ENTPD7: variants seen among roughly 807,000 people sequenced by gnomAD.
ENTPD7 encodes ectonucleoside triphosphate diphosphohydrolase 7.
ENTPD7 carries 53 observed loss-of-function variants against 77.9 expected under a neutral mutation model. The ratio of observed to expected loss-of-function variants is 0.68; its 90% CI spans 0.55 to 0.85. The LOEUF is 0.85. ENTPD7 is among the 40% of genes least tolerant of loss of function. ENTPD7 has a pLI of 0.00. For missense variants in ENTPD7, 636 were observed against 743.7 expected, an observed-to-expected ratio of 0.86 and a Z score of 1.68; for synonymous variants, 248 against 274.9, an observed-to-expected ratio of 0.90 and a Z score of 0.97.
Position 99,709,233 on chromosome 10 carries a change from G to T in ENTPD7, c.*4550G>T, listed in dbSNP as rs1009446425. 5.3e-5 allele frequency: 52 copies of T among 985,184 alleles called. No homozygotes were observed. The highest frequency in any genetic ancestry group is 6.2e-5 in the Admixed American group (1 of 16,256). 61.0% of individuals were successfully genotyped at this position (985,184 alleles called of 1,614,324 possible). A position where few individuals can be genotyped will look rare whatever the true frequency, so the allele number is the denominator to read the frequency against. The stretch of plus-strand genomic sequence containing the variant: ...AATTCTTGGGCAGTTTCCAGACTCT[G>T]TTACAGAAACAGAGGGCTGTTTCTT... On this transcript the variant is annotated 3_prime_UTR_variant, in exon 13 of 13. Coordinates refer to ENST00000370489, the MANE Select transcript of ENTPD7 (RefSeq NM_020354.5).
At chr10:99,673,416 G>A (rs934725602) in intron 3 of ENTPD7, among the ~76,000 whole-genome samples, 1 of 152,218 alleles carries the variant, frequency 6.6e-6, no homozygotes, top group African/African-American at 2.4e-5. Context: ...CTAGTTGGTT[G>A]AAAGTGTAAG....
Position 99,659,587 on chromosome 10 carries a change from C to A in ENTPD7, c.-97C>A. ...GAAGGAACCGGCGGGCCGCTTGATCCCGTGAGTGTGGGCGCGAGAGGGCTG... is the reference window on the plus strand; with the variant it reads ...GAAGGAACCGGCGGGCCGCTTGATCACGTGAGTGTGGGCGCGAGAGGGCTG... On this transcript the variant is annotated splice_region_variant and 5_prime_UTR_variant, in exon 1 of 13. Coordinates refer to ENST00000370489, the MANE Select transcript of ENTPD7 (RefSeq NM_020354.5). This position sits in a 1 kb window ranked among gnomAD's most constrained non-coding sequence, Gnocchi z 4.1. The A allele has an allele frequency of 5.4e-6, 1 of 185,130 alleles. No homozygotes were observed. The highest frequency in any genetic ancestry group is 1.1e-5 in the Non-Finnish European group (1 of 89,130). The allele number at this position is 185,130 out of a possible 1,614,324, so 11.5% of individuals were successfully genotyped here.
At position 99,706,820 on chromosome 10, in the gene ENTPD7, C is replaced by G. The variant is rs937044569; in HGVS notation, c.*2137C>G. On this transcript the variant is annotated 3_prime_UTR_variant, in exon 13 of 13. Coordinates refer to ENST00000370489, the MANE Select transcript of ENTPD7 (RefSeq NM_020354.5). ...TACTCAGGTAACGTTTTCTTTTGCT[C>G]TCATCTTGGTTTCCATATACTATTT... Among the ~76,000 whole-genome samples the G allele has an allele frequency of 6.6e-6, 1 of 152,162 alleles. No individual in the cohort carries two copies. The highest frequency in any genetic ancestry group is 6.5e-5 in the Admixed American group (1 of 15,276).
At chr10:99,689,555 C>T (rs1364777541) in intron 7 of ENTPD7, among the ~76,000 whole-genome samples, 1 of 152,156 alleles carries the variant, frequency 6.6e-6, no homozygotes, top group Non-Finnish European at 1.5e-5. Context: ...TTTGATTAGA[C>T]TCAGATTCAA....
At chr10:99,660,148 T>C (rs1274731918) in intron 2 of ENTPD7, among the ~76,000 whole-genome samples, 184 bp downstream of exon 2, 1 of 152,224 alleles carries the variant, frequency 6.6e-6, no homozygotes, top group East Asian at 1.9e-4. Flanking sequence ...AATAATAGTT[T>C]CTAGCCCATA....
rs1330257966 is a variant in ENTPD7, at chr10:99,707,324, C to A, written c.*2641C>A. The stretch of plus-strand genomic sequence containing the variant: ...ACTGAATATTTATTATTGGTATGGG[C>A]TCCTTTGTTTATTCTCTTCTCCCAA... On this transcript the variant is annotated 3_prime_UTR_variant, in exon 13 of 13. Coordinates refer to ENST00000370489, the MANE Select transcript of ENTPD7 (RefSeq NM_020354.5). 6.6e-6 allele frequency among the ~76,000 whole-genome samples: 1 copy of A among 152,090 alleles called. No individual in the cohort carries two copies. The highest frequency in any genetic ancestry group is 2.4e-5 in the African/African-American group (1 of 41,428).
rs148037712 is a variant in ENTPD7, at chr10:99,665,015, C to T, written c.191+3387C>T. Among the ~76,000 whole-genome samples, 476 of 151,848 alleles carry T rather than the reference C, an allele frequency of 3.1e-3. 2 individuals are homozygous for T. In the Middle Eastern group the frequency reaches 0.041, roughly 13 times the overall value. On this transcript the variant is annotated intron_variant, in intron 3 of 12. Transcript: ENST00000370489. ...CCTGTAATCTCAGCACTTTGGGAGG[C>T]GGAGGCAGGTGGATTGCACGAGCTC...
In ENTPD7 at chr10:99,679,470, C is replaced by T; in HGVS notation, c.397+4C>T. On this transcript the variant is annotated splice_donor_region_variant and intron_variant, in intron 4 of 12. Coordinates refer to ENST00000370489, the MANE Select transcript of ENTPD7 (RefSeq NM_020354.5). Reference sequence around the variant, plus strand: ...GTGGTTAAAAAAATCAAGCCAGGTACTAATCAGAATATATTTTGTTGTCAG... The same window carrying T: ...GTGGTTAAAAAAATCAAGCCAGGTATTAATCAGAATATATTTTGTTGTCAG... 6.2e-7 allele frequency: 1 copy of T among 1,608,476 alleles called. No homozygotes were observed. Among genetic ancestry groups the T allele is most frequent in the Non-Finnish European group, 8.5e-7 (1 of 1,178,072 alleles).
In ENTPD7 at chr10:99,659,898, A is replaced by T; in HGVS notation, c.-59A>T. On this transcript the variant is annotated 5_prime_UTR_variant, in exon 2 of 13. Transcript: ENST00000370489. The surrounding 1 kb of genome is among the most constrained non-coding windows in gnomAD (Gnocchi z 4.1). ...AGGAGATGCCTGGGACAAGGAGGCC[A>T]CCTTCTCAGGGCAAAAGAAAAAGAA... is the stretch of plus-strand genomic sequence containing the variant. 6.2e-7 allele frequency: 1 copy of T among 1,613,134 alleles called. No individual in the cohort carries two copies. Among genetic ancestry groups the T allele is most frequent in the East Asian group, 2.2e-5 (1 of 44,862 alleles).
intron 5 of ENTPD7, 22 bp from the exon 6 acceptor site, chr10:99,685,770 G>A (rs1021057562): frequency 2.5e-6 from 4 of 1,588,768 alleles, no homozygotes; most frequent in Non-Finnish European, 3.5e-6. Context: ...CTAACTTTGG[G>A]ATTTTTTGTT....
intron 8 of ENTPD7, among the ~76,000 whole-genome samples, chr10:99,694,738 T>C (rs570713795): frequency 3.9e-5 from 6 of 152,140 alleles, no homozygotes; most frequent in Non-Finnish European, 7.4e-5. Context: ...AGTTTCACCA[T>C]GTTGGCCAGG....
chr10:99,703,925 T>G (rs551779630), intron 12 of ENTPD7, among the ~76,000 whole-genome samples: 11 of 152,250 alleles, frequency 7.2e-5, no homozygotes, highest in African/African-American at 2.4e-4. Context: ...GGGGTCTTGT[T>G]ATGTTGACCA....
rs1233767551 is a variant in ENTPD7 at position 99,679,860 on chromosome 10, G to A, written c.533G>A (p.Arg178Lys). ...PLYILCTAGM[R>K]LLPERKQLAI... ...TACATCCTCTGCACAGCAGGCATGA[G>A]GCTTCTCCCTGAGAGGTGAGATGCA... The change falls in exon 5 of 13, where the codon AGG becomes AAG. Residue 178 changes from arginine to lysine, a missense_variant. Around this residue, in one of 3 missense-constraint regions of ENTPD7, gnomAD observed 486 missense variants for 556.5 expected, o/e 0.87. Transcript: ENST00000370489. The A allele has an allele frequency of 6.2e-7, 1 of 1,611,702 alleles. No individual in the cohort carries two copies. Among genetic ancestry groups the A allele is most frequent in the Non-Finnish European group, 8.5e-7 (1 of 1,179,430 alleles).
chr10:99,704,256 G>A (rs994141282), intron 12 of ENTPD7, among the ~76,000 whole-genome samples, 196 bp from the exon 13 acceptor site: 7 of 152,152 alleles, frequency 4.6e-5, no homozygotes, highest in Admixed American at 1.3e-4. Flanking sequence ...TCTGGGGGCC[G>A]TGGGAAGGAA....
chr10:99,695,922 A>G, intron 8 of ENTPD7, 34 bp from the exon 9 acceptor site: 1 of 1,573,194 alleles, frequency 6.4e-7, no homozygotes, highest in Middle Eastern at 1.7e-4. Context: ...AACCAAAACT[A>G]AAATTCCCTT....
chr10:99,659,724 C>T lies in ENTPD7; in HGVS notation c.-96+136C>T, dbSNP rs1353637235. The T allele has an allele frequency of 5.9e-6, 3 of 511,246 alleles. No homozygotes were observed. The highest frequency in any genetic ancestry group is 1.0e-5 in the Non-Finnish European group (3 of 289,616). The allele number at this position is 511,246 out of a possible 1,614,324, so 31.7% of individuals were successfully genotyped here. ...CGAGAACGCCCCGCTCCCAGGATGCCCGGGTAGGGTCCCCTGGGCCTGAGG... is the reference window on the plus strand; with the variant it reads ...CGAGAACGCCCCGCTCCCAGGATGCTCGGGTAGGGTCCCCTGGGCCTGAGG... On this transcript the variant is annotated intron_variant, in intron 1 of 12. Transcript: ENST00000370489. The surrounding 1 kb of genome is among the most constrained non-coding windows in gnomAD (Gnocchi z 4.1).
Position 99,704,563 on chromosome 10 carries a change from C to T in ENTPD7, c.1695C>T (p.Ile565=), listed in dbSNP as rs1352402123. The change falls in exon 13 of 13, where the codon ATC becomes ATT. Residue 565 remains isoleucine (I), a synonymous_variant. Transcript: ENST00000370489. ...GTATCCTGGTGGTGCTACTGGCCAT[C>T]TTCCTATACCTTCTGCGGCTACGCC... ...FACILVVLLA[I]FLYLLRLRRI... 3.1e-6 allele frequency: 5 copies of T among 1,614,208 alleles called. No individual in the cohort carries two copies. Among genetic ancestry groups the T allele is most frequent in the South Asian group, 1.1e-5 (1 of 91,078 alleles).
intron 10 of ENTPD7, 64 bp from the exon 11 acceptor site, chr10:99,700,909 T>G: frequency 5.3e-6 from 7 of 1,317,722 alleles, no homozygotes; most frequent in Non-Finnish European, 6.6e-6. Context: ...CAGCTGTGAC[T>G]GTGGGGAAGG....
chr10:99,685,180 C>T (rs1264884310), intron 5 of ENTPD7, among the ~76,000 whole-genome samples: 1 of 152,160 alleles, frequency 6.6e-6, no homozygotes, highest in Non-Finnish European at 1.5e-5. Context: ...TCACTTGAAC[C>T]TGGGAGGCAG....
Sources: allele counts gnomAD v4.1 joint callset (sites outside exome capture counted in the v4.1 genomes callset), GRCh38; gene constraint gnomAD v4.1.1; regional missense constraint gnomAD v4.1.1; non-coding constraint Gnocchi (gnomAD v3.1); transcripts MANE v1.5; gene names NCBI Gene and HGNC (gene_info 2026-07-23, HGNC 2026-07-21).